TGIF1: variants seen among roughly 807,000 people sequenced by gnomAD.
The protein encoded by TGIF1 is homeobox protein TGIF1.
In TGIF1, 4 loss-of-function variants were observed where a neutral mutation model predicts 19.3. That is an observed-to-expected ratio of 0.21 (90% CI 0.10 to 0.47). TGIF1 has a LOEUF of 0.47. Among genes scored for constraint, TGIF1 ranks in the 20% least tolerant of loss-of-function variants. TGIF1 has a pLI of 0.98. For missense variants in TGIF1, 275 were observed against 341.4 expected, an observed-to-expected ratio of 0.81 and a Z score of 1.53; for synonymous variants, 122 against 129.3, an observed-to-expected ratio of 0.94 and a Z score of 0.38.
At chr18:3,447,776 T>C, upstream of TGIF1, 1 of 1,614,184 alleles carries the variant, frequency 6.2e-7, no homozygotes, top group Non-Finnish European at 8.5e-7. Context: ...ATTGGCCCGA[T>C]CAAGCCTGAC....
intron 1 of TGIF1, chr18:3,452,466 C>A: frequency 2.5e-6 from 4 of 1,592,042 alleles, no homozygotes; most frequent in Non-Finnish European, 3.4e-6. Flanking sequence ...GGGTTTCTTT[C>A]CCCTTTTAGG....
chr18:3,438,560 C>T (rs868470367), intron 2 of TGIF1, among the ~76,000 whole-genome samples: 2 of 146,310 alleles, frequency 1.4e-5, no homozygotes, highest in Non-Finnish European at 1.5e-5. Flanking sequence ...CTAGACTTCA[C>T]CCCCCATCTT....
At chr18:3,420,112 T>A (rs1464173371) in intron 2 of TGIF1, among the ~76,000 whole-genome samples, 1 of 152,156 alleles carries the variant, frequency 6.6e-6, no homozygotes, top group Non-Finnish European at 1.5e-5. Context: ...GCATGGTGGC[T>A]CAAGCCTATA....
chr18:3,419,857 T>C (rs560143009), intron 2 of TGIF1, among the ~76,000 whole-genome samples: 2 of 152,064 alleles, frequency 1.3e-5, no homozygotes, highest in Admixed American at 6.6e-5. Flanking sequence ...AATACAAAAA[T>C]TAGCTGGGCA....
intron 2 of TGIF1, among the ~76,000 whole-genome samples, chr18:3,437,296 A>G (rs2082626627): frequency 1.3e-5 from 2 of 152,120 alleles, no homozygotes; most frequent in African/African-American, 2.4e-5. Context: ...CCTGCAGATA[A>G]TCAATGAGGA....
rs2229333 is a variant in TGIF1 at position 3,457,609 on chromosome 18, C to T, written c.488C>T (p.Pro163Leu). 94,881 of 1,614,160 alleles carry T rather than the reference C, an allele frequency of 0.059. 3,414 individuals carry two copies. Among genetic ancestry groups the T allele is most frequent in the East Asian group, 0.14 (6,166 of 44,872 alleles). The change falls in exon 3 of 3, where the codon CCG becomes CTG. Residue 163 changes from proline (P) to leucine (L), a missense_variant. Physicochemically the swap from Pro to Leu is moderately conservative, Grantham distance 98. Coordinates refer to ENST00000343820, the MANE Select transcript of TGIF1 (RefSeq NM_003244.4). This position sits in a 1 kb window ranked among gnomAD's most constrained non-coding sequence, Gnocchi z 4.9. Reference sequence around the variant, plus strand: ...CCACTGTCTCCTAAGCCGTCATCCCCGGGATCAGTTTTGGCTCGTCCATCA... The same window carrying T: ...CCACTGTCTCCTAAGCCGTCATCCCTGGGATCAGTTTTGGCTCGTCCATCA... ...GRPLSPKPSS[P>L]GSVLARPSVI...
At position 3,450,442 on chromosome 18, in the gene TGIF1, G is replaced by A. The variant is rs1598893637; in HGVS notation, c.-48G>A. ...CTTATCCCCTGTGTCCCCGCTCCTG[G>A]CCCCTCCAGACCCCCGCCTTGCCTC... On this transcript the variant is annotated 5_prime_UTR_variant, in exon 1 of 3. Coordinates refer to ENST00000343820, the MANE Select transcript of TGIF1 (RefSeq NM_003244.4). 2 of 1,552,852 alleles carry A rather than the reference G, an allele frequency of 1.3e-6. No homozygotes were observed.
Position 3,414,867 on chromosome 18 carries a change from G to A in TGIF1, c.-118+2613G>A, listed in dbSNP as rs549140471. ...AAGGCCAGCCTGGGAAAAGTAAAGA[G>A]ACCTCTCCTCCCCATGTCTCTAAAA... On this transcript the variant is annotated intron_variant, in intron 1 of 3. Coordinates refer to the TGIF1 transcript ENST00000401449. Among the ~76,000 whole-genome samples, 14 of 152,136 alleles carry A rather than the reference G, an allele frequency of 9.2e-5. No homozygotes were observed. In the East Asian group the frequency reaches 2.5e-3, roughly 27 times the overall value.
At chr18:3,426,995 C>T (rs555660287) in intron 2 of TGIF1, among the ~76,000 whole-genome samples, 1 of 145,342 alleles carries the variant, frequency 6.9e-6, no homozygotes, top group Admixed American at 7.2e-5. Flanking sequence ...ATGATCTCGG[C>T]TCACTGCAAC....
intron 2 of TGIF1, among the ~76,000 whole-genome samples, chr18:3,429,377 G>C (rs2082517532): frequency 6.6e-6 from 1 of 152,014 alleles, no homozygotes; most frequent in Non-Finnish European, 1.5e-5. Context: ...GGTGAAACCG[G>C]AAAGGCAAAC....
In TGIF1 at chr18:3,457,391, C is replaced by T. The variant is rs2049390835; in HGVS notation, c.270C>T (p.Arg90=). The change falls in exon 3 of 3, where the codon CGC becomes CGT. Residue 90 remains arginine (R), a synonymous_variant. Transcript: ENST00000343820. The surrounding 1 kb of genome is among the most constrained non-coding windows in gnomAD (Gnocchi z 4.9). ...TCTGTAACTGGTTCATCAACGCCCG[C>T]CGCAGGCTCCTCCCTGACATGCTGA... The part of the protein sequence containing the change: ...LQVCNWFINA[R]RRLLPDMLRK... 3 of 1,614,222 alleles carry T rather than the reference C, an allele frequency of 1.9e-6. No individual in the cohort carries two copies. The highest frequency in any genetic ancestry group is 2.5e-6 in the Non-Finnish European group (3 of 1,180,038).
At chr18:3,427,477 A>C (rs189299302) in intron 2 of TGIF1, among the ~76,000 whole-genome samples, 449 of 151,366 alleles carry the variant, frequency 3.0e-3, no homozygotes, top group African/African-American at 0.01. Context: ...TTTTTAGTAG[A>C]GACGGGGTTT....
At chr18:3,448,884 C>A (rs148289085), upstream of TGIF1, among the ~76,000 whole-genome samples, 10 of 152,174 alleles carry the variant, frequency 6.6e-5, no homozygotes, top group East Asian at 1.9e-3. Context: ...GGTTACCGAA[C>A]AAAAACAGCA....
chr18:3,417,996 C>CA (rs1439127540), intron 1 of TGIF1: 1 of 150,720 alleles, frequency 6.6e-6, no homozygotes, highest in Non-Finnish European at 1.5e-5. Flanking sequence ...AGCAGAGATA[C>CA]AAAAAATATA....
chr18:3,422,628 C>T (rs897478054), intron 2 of TGIF1, among the ~76,000 whole-genome samples: 3 of 150,244 alleles, frequency 2.0e-5, no homozygotes, highest in African/African-American at 4.9e-5. Context: ...AAGCAACATT[C>T]AGTCCTGCAG....
chr18:3,450,226 G>A lies in TGIF1; in HGVS notation c.-264G>A. On this transcript the variant is annotated 5_prime_UTR_variant, in exon 1 of 3. Transcript: ENST00000343820. ...GGAGCAGGGAACAAAGGAGCGGAGA[G>A]GGGAGGGGAGAGAGTTGGGCGAGGG... 3 of 1,415,368 alleles carry A rather than the reference G, an allele frequency of 2.1e-6. No individual in the cohort carries two copies. The highest frequency in any genetic ancestry group is 1.5e-5 in the South Asian group (1 of 65,426). 87.7% of individuals were successfully genotyped at this position (1,415,368 alleles called of 1,614,324 possible).
chr18:3,419,039 CAA>C (rs1025853532), intron 2 of TGIF1, among the ~76,000 whole-genome samples: 9 of 151,908 alleles, frequency 5.9e-5, no homozygotes, highest in African/African-American at 1.9e-4. Context: ...GCTTGGGTGA[CAA>C]GAGCAAAACT....
chr18:3,450,064 C>G, upstream of TGIF1: 1 of 1,015,692 alleles, frequency 9.8e-7, no homozygotes, highest in Middle Eastern at 5.0e-4. Context: ...GTCTTCCCGG[C>G]TGGAAGGTGC....
intron 2 of TGIF1, among the ~76,000 whole-genome samples, chr18:3,442,166 C>T (rs2082683778): frequency 6.6e-6 from 1 of 152,140 alleles, no homozygotes; most frequent in African/African-American, 2.4e-5. Flanking sequence ...CTTTATGTCT[C>T]TCAGTAGGGT....
Sources: gnomAD v4.1 joint callset for allele counts (sites outside exome capture counted in the v4.1 genomes callset) on GRCh38, gnomAD v4.1.1 for gene constraint, Gnocchi (gnomAD v3.1) non-coding constraint, MANE v1.5 for transcripts, NCBI Gene and HGNC (gene_info 2026-07-23, HGNC 2026-07-21) for gene names.